SLC11A1: variants seen among roughly 807,000 people sequenced by gnomAD.
The protein encoded by SLC11A1 is solute carrier family 11 member 1, also known as natural resistance-associated macrophage protein 1.
In SLC11A1, 59 loss-of-function variants were observed where a neutral mutation model predicts 63.2. The observed-to-expected ratio is 0.93, with a 90% CI of 0.76 to 1.16. The LOEUF is 1.16. Ranked by LOEUF, SLC11A1 falls within the 50% of genes most tolerant of loss-of-function variation. The pLI, the probability that SLC11A1 is intolerant of heterozygous loss-of-function variation, is 0.00. For missense variants in SLC11A1, 688 were observed against 730.7 expected, an observed-to-expected ratio of 0.94 and a Z score of 0.67; for synonymous variants, 305 against 307.8, an observed-to-expected ratio of 0.99 and a Z score of 0.09.
intron 4 of SLC11A1, among the ~76,000 whole-genome samples, chr2:218,386,258 G>A (rs553003897): frequency 5.3e-5 from 8 of 152,214 alleles, no homozygotes; most frequent in African/African-American, 1.9e-4. Flanking sequence ...TTCGAGACCA[G>A]CCTGACCAAC....
At position 218,384,150 on chromosome 2, in the gene SLC11A1, C is replaced by A; in HGVS notation, c.151-93C>A. On this transcript the variant is annotated intron_variant, in intron 2 of 14. Transcript: ENST00000233202. This position sits in a 1 kb window ranked among gnomAD's most constrained non-coding sequence, Gnocchi z 4.0. ...TGGAGGGCAGGGCTGGGCTGATGAG[C>A]CTGTTGGGGCTCCTCTAGGGGATGG... The A allele has an allele frequency of 7.3e-7, 1 of 1,368,254 alleles. No homozygotes were observed. Among genetic ancestry groups the A allele is most frequent in the Non-Finnish European group, 9.8e-7 (1 of 1,022,532 alleles). 84.8% of individuals were successfully genotyped at this position (1,368,254 alleles called of 1,614,324 possible).
chr2:218,391,447 G>A lies in SLC11A1; in HGVS notation c.1116G>A (p.Gly372=), dbSNP rs751943071. The change falls in exon 11 of 15, where the codon GGG becomes GGA. Residue 372 remains glycine, a synonymous_variant. Transcript: ENST00000233202. The part of the protein sequence containing the change: ...YIWAIGLLAA[G]QSSTMTGTYA... ...GGGCCATAGGTCTCCTGGCGGCTGG[G>A]CAGAGCTCCACCATGACGGGCACCT... 1 of 1,613,098 alleles carries A rather than the reference G, an allele frequency of 6.2e-7. No individual in the cohort carries two copies. The highest frequency in any genetic ancestry group is 1.7e-5 in the Admixed American group (1 of 59,932).
chr2:218,391,166 A>C, intron 9 of SLC11A1, 32 bp from the exon 10 acceptor site: 1 of 1,600,822 alleles, frequency 6.2e-7, no homozygotes, highest in Non-Finnish European at 8.6e-7. Flanking sequence ...CGTGCTCCTC[A>C]CATCTTCCTT....
At chr2:218,390,997 C>G (rs1327918266) in intron 9 of SLC11A1, among the ~76,000 whole-genome samples, 1 of 152,168 alleles carries the variant, frequency 6.6e-6, no homozygotes, top group African/African-American at 2.4e-5. Context: ...ACCTGGGCAA[C>G]ATGACAAGAC....
chr2:218,387,354 T>C, intron 6 of SLC11A1, 124 bp downstream of exon 6: 1 of 1,046,288 alleles, frequency 9.6e-7, no homozygotes, highest in East Asian at 2.4e-5. Flanking sequence ...GGGTGGCCTC[T>C]AGCGAGTTAC....
chr2:218,383,439 G>C (rs1574759466), intron 2 of SLC11A1: 2 of 211,270 alleles, frequency 9.5e-6, no homozygotes, highest in Non-Finnish European at 1.9e-5. Flanking sequence ...GAGGCTGCAG[G>C]CTGGCATCTA....
chr2:218,384,223 C>T lies in SLC11A1; in HGVS notation c.151-20C>T, dbSNP rs1240961774. 6.3e-7 allele frequency: 1 copy of T among 1,579,254 alleles called. No individual in the cohort carries two copies. Among genetic ancestry groups the T allele is most frequent in the Non-Finnish European group, 8.6e-7 (1 of 1,156,116 alleles). On this transcript the variant is annotated intron_variant, in intron 2 of 14. Transcript: ENST00000233202. The surrounding 1 kb of genome is among the most constrained non-coding windows in gnomAD (Gnocchi z 4.0). ...CTATACCCAGGACCCCCTCACTCTA[C>T]TCCTCCCACCCCCCAACAGGGCACC...
intron 9 of SLC11A1, among the ~76,000 whole-genome samples, chr2:218,390,917 C>T (rs1004733702): frequency 6.6e-6 from 1 of 152,070 alleles, no homozygotes; most frequent in Non-Finnish European, 1.5e-5. Context: ...TGCGGTGGCT[C>T]ACGCCTGTAA....
intron 8 of SLC11A1, among the ~76,000 whole-genome samples, chr2:218,388,612 C>T (rs1696261007): frequency 6.7e-6 from 1 of 149,034 alleles, no homozygotes; most frequent in African/African-American, 2.5e-5. Flanking sequence ...AACAGCCTGG[C>T]CAACATGGTG....
intron 12 of SLC11A1, 120 bp downstream of exon 12, chr2:218,393,250 A>C (rs1696560854): frequency 5.6e-6 from 6 of 1,078,718 alleles, no homozygotes; most frequent in Non-Finnish European, 7.4e-6. Context: ...TCTTGCCTAC[A>C]AGGCTTCCAT....
chr2:218,385,270 A>G lies in SLC11A1; in HGVS notation c.393+4A>G, dbSNP rs768546758. 66 of 1,613,718 alleles carry G rather than the reference A, an allele frequency of 4.1e-5. 1 individual carries two copies. Among genetic ancestry groups the G allele is most frequent in the Non-Finnish European group, 5.3e-5 (63 of 1,179,750 alleles). On this transcript the variant is annotated splice_donor_region_variant and intron_variant, in intron 4 of 14. Coordinates refer to ENST00000233202, the MANE Select transcript of SLC11A1 (RefSeq NM_000578.4). The stretch of plus-strand genomic sequence containing the variant: ...CTGCCATCTCTACTACCCTAAGGTG[A>G]GCTTGGGGGGCCTGGACAGGGAGAA...
chr2:218,389,898 C>A lies in SLC11A1; in HGVS notation c.824C>A (p.Ala275Glu), dbSNP rs774135476. 1 of 1,613,004 alleles carries A rather than the reference C, an allele frequency of 6.2e-7. No homozygotes were observed. The highest frequency in any genetic ancestry group is 8.5e-7 in the Non-Finnish European group (1 of 1,179,482). ...CGAGAGATAGACCGGGCCCGCCGAG[C>A]AGACATCAGAGAAGCCAACATGTAC... ...KSREIDRARR[A>E]DIREANMYFL... The change falls in exon 9 of 15, where the codon GCA becomes GAA. Residue 275 changes from alanine to glutamate, a missense_variant. By Grantham distance (107) the Ala-to-Glu change is moderately radical (BLOSUM62 -1). Transcript: ENST00000233202.
rs756691460 is a variant in SLC11A1, at chr2:218,394,616, C to G, written c.1389-16C>G. On this transcript the variant is annotated splice_polypyrimidine_tract_variant and intron_variant, in intron 13 of 14. Transcript: ENST00000233202. ...GCAGCAACCAGCCAGTCCTGAGCCT[C>G]TCTCGTGTCCCCCAGGCTGAACAAG... is the stretch of plus-strand genomic sequence containing the variant. 8 of 1,612,506 alleles carry G rather than the reference C, an allele frequency of 5.0e-6. No homozygotes were observed. Among genetic ancestry groups the G allele is most frequent in the Non-Finnish European group, 6.8e-6 (8 of 1,179,834 alleles).
rs778692971 is a variant in SLC11A1 at position 218,394,090 on chromosome 2, C to G, written c.1315-30C>G. On this transcript the variant is annotated intron_variant, in intron 12 of 14. Coordinates refer to ENST00000233202, the MANE Select transcript of SLC11A1 (RefSeq NM_000578.4). ...CTTGCCATATTCTGAGGCAGAATTC[C>G]TCAGCCTAGGCTCCTGCTGCTCTCC... is the stretch of plus-strand genomic sequence containing the variant. 17 of 1,611,808 alleles carry G rather than the reference C, an allele frequency of 1.1e-5. No individual in the cohort carries two copies. In the East Asian group the frequency reaches 1.3e-4, roughly 13 times the overall value.
chr2:218,388,965 A>G (rs980078003), intron 8 of SLC11A1, among the ~76,000 whole-genome samples: 1 of 152,036 alleles, frequency 6.6e-6, no homozygotes, highest in Non-Finnish European at 1.5e-5. Flanking sequence ...AAAATAAAAA[A>G]TAAAATAAAT....
At chr2:218,391,333 G>T (rs779547714) in intron 10 of SLC11A1, 43 bp from the exon 11 acceptor site, 1 of 1,613,770 alleles carries the variant, frequency 6.2e-7, no homozygotes, top group Non-Finnish European at 8.5e-7. Context: ...GAGGCTCCCC[G>T]CCTCGGGCAG....
rs566734332 is a variant in SLC11A1, at chr2:218,395,645, G to A, written c.*610G>A. 13 of 152,536 alleles carry A rather than the reference G, an allele frequency of 8.5e-5. No individual in the cohort carries two copies. The highest frequency in any genetic ancestry group is 2.9e-4 in the African/African-American group (12 of 41,560). 9.4% of individuals were successfully genotyped at this position (152,536 alleles called of 1,614,324 possible). A position where few individuals can be genotyped will look rare whatever the true frequency, so the allele number is the denominator to read the frequency against. ...ATTTGTGTATTTTCAGCAGAGACGG[G>A]GTTTGCCATGCTGGCCAGGCTGGTC... On this transcript the variant is annotated 3_prime_UTR_variant, in exon 15 of 15. Coordinates refer to ENST00000233202, the MANE Select transcript of SLC11A1 (RefSeq NM_000578.4).
At chr2:218,392,938 C>T in intron 11 of SLC11A1, 43 bp from the exon 12 acceptor site, 1 of 1,503,368 alleles carries the variant, frequency 6.7e-7, no homozygotes, top group South Asian at 1.2e-5. Flanking sequence ...CTGGAATCCC[C>T]AGTCCTGTCT....
At chr2:218,392,882 T>C in intron 11 of SLC11A1, 99 bp from the exon 12 acceptor site, 1 of 968,018 alleles carries the variant, frequency 1.0e-6, no homozygotes, top group Non-Finnish European at 1.5e-6. Context: ...AAACAGAGCA[T>C]GCCCCCAGGG....
Sources: gnomAD v4.1 joint callset for allele counts (sites outside exome capture counted in the v4.1 genomes callset) on GRCh38, gnomAD v4.1.1 for gene constraint, Gnocchi (gnomAD v3.1) non-coding constraint, MANE v1.5 for transcripts, NCBI Gene and HGNC (gene_info 2026-07-23, HGNC 2026-07-21) for gene names.